The following CHRNG variants were observed in gnomAD, a reference collection of about 807,000 sequenced individuals.
CHRNG encodes cholinergic receptor nicotinic gamma subunit, also known as acetylcholine receptor subunit gamma.
Under a neutral mutation model 65.2 loss-of-function variants are expected in CHRNG, and 72 were observed. That is an observed-to-expected ratio of 1.10 (90% CI 0.91 to 1.34). CHRNG has a LOEUF of 1.34. CHRNG is among the 40% of genes most tolerant of loss of function. The pLI, the probability that CHRNG is intolerant of heterozygous loss-of-function variation, is 0.00. For synonymous variants in CHRNG, 284 were observed against 290.2 expected (o/e 0.98, Z 0.22); for missense variants, 637 against 680.1 (o/e 0.94, Z 0.70).
At position 232,546,293 on chromosome 2, in the gene CHRNG, G is replaced by T; in HGVS notation, c.*577G>T. The T allele has an allele frequency of 6.8e-6, 1 of 147,206 alleles. No individual in the cohort carries two copies. Among genetic ancestry groups the T allele is most frequent in the Admixed American group, 6.7e-5 (1 of 14,954 alleles). 9.1% of individuals were successfully genotyped at this position (147,206 alleles called of 1,614,324 possible). ...GCCACTGACCACAAGACGATTTCCT[G>T]AGTTTTGTAATCCTCTTTTTTTTTT... is the stretch of plus-strand genomic sequence containing the variant. On this transcript the variant is annotated 3_prime_UTR_variant, in exon 12 of 12. Coordinates refer to ENST00000651502, the MANE Select transcript of CHRNG (RefSeq NM_005199.5).
Position 232,544,428 on chromosome 2 carries a change from C to A in CHRNG, c.1097C>A (p.Ala366Asp), listed in dbSNP as rs1183456677. Residue 366 changes from alanine to aspartate, a missense_variant, in exon 10 of 12, where the codon GCT becomes GAT. Transcript: ENST00000651502. ...RMHVRPLAPAAVQDTQSRLQN... is the reference protein window; with the variant it reads ...RMHVRPLAPADVQDTQSRLQN... Reference sequence around the variant, plus strand: ...CACGTTCGCCCGCTGGCCCCGGCAGCTGTGCAGGACACCCAGTCCCGGCTA... The same window carrying A: ...CACGTTCGCCCGCTGGCCCCGGCAGATGTGCAGGACACCCAGTCCCGGCTA... 1.9e-6 allele frequency: 3 copies of A among 1,613,528 alleles called. No homozygotes were observed. In the Admixed American group the frequency reaches 5.0e-5, roughly 27 times the overall value.
Position 232,540,197 on chromosome 2 carries a change from G to A in CHRNG, c.195+66G>A, listed in dbSNP as rs774917840. On this transcript the variant is annotated intron_variant, in intron 2 of 11. Transcript: ENST00000651502. The surrounding 1 kb of genome is among the most constrained non-coding windows in gnomAD (Gnocchi z 4.2). ...TGGGACCTGCTGGGGATAGCATGGGGTGGCTCCAGCCACCAAGAGGTTGGA... is the reference window on the plus strand; with the variant it reads ...TGGGACCTGCTGGGGATAGCATGGGATGGCTCCAGCCACCAAGAGGTTGGA... 9.0e-5 allele frequency: 146 copies of A among 1,613,334 alleles called. No homozygotes were observed. The highest frequency in any genetic ancestry group is 1.2e-4 in the Non-Finnish European group (137 of 1,179,598).
intron 1 of CHRNG, 41 bp downstream of exon 1, chr2:232,539,843 T>C: frequency 6.2e-7 from 1 of 1,612,666 alleles, no homozygotes; most frequent in Non-Finnish European, 8.5e-7. Context: ...GTCCCAGAGC[T>C]GGGGTCCACA....
rs762248303 is a variant in CHRNG at position 232,539,967 on chromosome 2, C to T, written c.56-25C>T. ...CGCTCTTTCCACCTCCAAGCTCCTGCTAGGCTCACGCCTGTCTATTGCAGG... is the reference window on the plus strand; with the variant it reads ...CGCTCTTTCCACCTCCAAGCTCCTGTTAGGCTCACGCCTGTCTATTGCAGG... On this transcript the variant is annotated intron_variant, in intron 1 of 11. Transcript: ENST00000651502. The T allele has an allele frequency of 2.1e-5, 34 of 1,614,028 alleles. No homozygotes were observed. In the South Asian group the frequency reaches 3.6e-4, roughly 17 times the overall value.
At chr2:232,543,726 C>A in intron 9 of CHRNG, 27 bp downstream of exon 9, 1 of 1,375,180 alleles carries the variant, frequency 7.3e-7, no homozygotes. Flanking sequence ...CCCACTTCAA[C>A]ATCCCGCTGC....
Position 232,540,796 on chromosome 2 carries a change from A to G in CHRNG, c.350+85A>G. 8.0e-7 allele frequency: 1 copy of G among 1,254,670 alleles called. No individual in the cohort carries two copies. The highest frequency in any genetic ancestry group is 2.0e-5 in the Admixed American group (1 of 51,068). 77.7% of individuals were successfully genotyped at this position (1,254,670 alleles called of 1,614,324 possible). On this transcript the variant is annotated intron_variant, in intron 4 of 11. Transcript: ENST00000651502. The surrounding 1 kb of genome is among the most constrained non-coding windows in gnomAD (Gnocchi z 4.2). ...AGAACAAGGCACTCTGGGAAAAGAG[A>G]AAGATGAGCAGAGGGTGCAAATCGG...
rs891205803 is a variant in CHRNG at position 232,540,831 on chromosome 2, G to A, written c.350+120G>A. The A allele has an allele frequency of 1.1e-6, 1 of 940,254 alleles. No homozygotes were observed. The highest frequency in any genetic ancestry group is 1.6e-6 in the Non-Finnish European group (1 of 609,694). The allele number at this position is 940,254 out of a possible 1,614,324, so 58.2% of individuals were successfully genotyped here. ...AGAGGGTGCAAATCGGGCACCTGTG[G>A]GGCTAGGGAAGAACTGGATGGAGCA... On this transcript the variant is annotated intron_variant, in intron 4 of 11. Transcript: ENST00000651502. This position sits in a 1 kb window ranked among gnomAD's most constrained non-coding sequence, Gnocchi z 4.2.
At position 232,547,503 on chromosome 2, in the gene CHRNG, G is replaced by C. The variant is rs1487162873; in HGVS notation, c.*1787G>C. ...GACGACAGGATATGCTGGCAGGAGG[G>C]GACCTTGGAAATATGCCCTCCCTCC... On this transcript the variant is annotated 3_prime_UTR_variant, in exon 12 of 12. Coordinates refer to ENST00000651502, the MANE Select transcript of CHRNG (RefSeq NM_005199.5). 6.6e-6 allele frequency among the ~76,000 whole-genome samples: 1 copy of C among 152,206 alleles called. No homozygotes were observed. The highest frequency in any genetic ancestry group is 1.5e-5 in the Non-Finnish European group (1 of 68,034).
At position 232,544,910 on chromosome 2, in the gene CHRNG, G is replaced by A. The variant is rs201178274; in HGVS notation, c.1380+8G>A. On this transcript the variant is annotated splice_region_variant and intron_variant, in intron 11 of 11. Transcript: ENST00000651502. ...CAGAGTCACTTTGACAATGTAAGCTGAGTCAGGGTGGGGTGGAGGTGGAGT... is the reference window on the plus strand; with the variant it reads ...CAGAGTCACTTTGACAATGTAAGCTAAGTCAGGGTGGGGTGGAGGTGGAGT... 5.0e-6 allele frequency: 8 copies of A among 1,613,798 alleles called. No homozygotes were observed. Among genetic ancestry groups the A allele is most frequent in the Non-Finnish European group, 6.8e-6 (8 of 1,180,016 alleles).
chr2:232,540,162 C>A lies in CHRNG; in HGVS notation c.195+31C>A, dbSNP rs758480031. On this transcript the variant is annotated intron_variant, in intron 2 of 11. Transcript: ENST00000651502. The surrounding 1 kb of genome is among the most constrained non-coding windows in gnomAD (Gnocchi z 4.2). ...CCGCAGGACGGAGGAGGGGTCAGCG[C>A]ACCACGCCCTGGGACCTGCTGGGGA... 8.1e-6 allele frequency: 13 copies of A among 1,614,030 alleles called. No homozygotes were observed. The highest frequency in any genetic ancestry group is 1.6e-4 in the Middle Eastern group (1 of 6,084).
At position 232,541,149 on chromosome 2, in the gene CHRNG, G is replaced by A. The variant is rs899351989; in HGVS notation, c.351-225G>A. On this transcript the variant is annotated intron_variant, in intron 4 of 11. Coordinates refer to ENST00000651502, the MANE Select transcript of CHRNG (RefSeq NM_005199.5). This position sits in a 1 kb window ranked among gnomAD's most constrained non-coding sequence, Gnocchi z 4.0. Reference sequence around the variant, plus strand: ...AAAACAAGAGAGAGTAAGATAAGCAGAAATTAGGAGGTGGTGCCTGAGGAA... The same window carrying A: ...AAAACAAGAGAGAGTAAGATAAGCAAAAATTAGGAGGTGGTGCCTGAGGAA... 6.6e-6 allele frequency among the ~76,000 whole-genome samples: 1 copy of A among 151,068 alleles called. No individual in the cohort carries two copies. Among genetic ancestry groups the A allele is most frequent in the African/African-American group, 2.4e-5 (1 of 41,092 alleles).
At position 232,546,073 on chromosome 2, in the gene CHRNG, G is replaced by A. The variant is rs1692128180; in HGVS notation, c.*357G>A. Reference sequence around the variant, plus strand: ...TGTTTTGTATAATACCTTCGGACTTGGGACTGGCTCCCCTTTTACAAGTTC... The same window carrying A: ...TGTTTTGTATAATACCTTCGGACTTAGGACTGGCTCCCCTTTTACAAGTTC... On this transcript the variant is annotated 3_prime_UTR_variant, in exon 12 of 12. Transcript: ENST00000651502. 24 of 370,344 alleles carry A rather than the reference G, an allele frequency of 6.5e-5. No homozygotes were observed. Among genetic ancestry groups the A allele is most frequent in the South Asian group, 5.4e-4 (24 of 44,558 alleles). 22.9% of individuals were successfully genotyped at this position (370,344 alleles called of 1,614,324 possible).
Position 232,540,846 on chromosome 2 carries a change from T to C in CHRNG, c.350+135T>C. The C allele has an allele frequency of 1.2e-6, 1 of 825,706 alleles. No homozygotes were observed. Among genetic ancestry groups the C allele is most frequent in the Non-Finnish European group, 2.0e-6 (1 of 510,208 alleles). The allele number at this position is 825,706 out of a possible 1,614,324, so 51.1% of individuals were successfully genotyped here. A position where few individuals can be genotyped will look rare whatever the true frequency, so the allele number is the denominator to read the frequency against. Reference sequence around the variant, plus strand: ...GGCACCTGTGGGGCTAGGGAAGAACTGGATGGAGCAGGTGCCGAGGGCAGG... The same window carrying C: ...GGCACCTGTGGGGCTAGGGAAGAACCGGATGGAGCAGGTGCCGAGGGCAGG... On this transcript the variant is annotated intron_variant, in intron 4 of 11. Coordinates refer to ENST00000651502, the MANE Select transcript of CHRNG (RefSeq NM_005199.5). The surrounding 1 kb of genome is among the most constrained non-coding windows in gnomAD (Gnocchi z 4.2).
At chr2:232,543,205 T>G in intron 7 of CHRNG, 70 bp from the exon 8 acceptor site, 1 of 1,529,212 alleles carries the variant, frequency 6.5e-7, no homozygotes, top group Non-Finnish European at 9.1e-7. Flanking sequence ...GGGCTACTTC[T>G]GGGGTAAGGG....
rs13018423 is a variant in CHRNG, at chr2:232,543,573, C to T, written c.921-12C>T. The T allele has an allele frequency of 0.27, 423,510 of 1,566,898 alleles. 61,471 individuals are homozygous for T. The highest frequency in any genetic ancestry group is 0.44 in the East Asian group (19,721 of 44,570). On this transcript the variant is annotated splice_polypyrimidine_tract_variant and intron_variant, in intron 8 of 11. Transcript: ENST00000651502. ...TATGGGCTGCCAGCTCCTGCCCACCCCACCCTGACAGGTACCTGACCTTCC... is the reference window on the plus strand; with the variant it reads ...TATGGGCTGCCAGCTCCTGCCCACCTCACCCTGACAGGTACCTGACCTTCC...
chr2:232,543,480 AC>A lies in CHRNG; in HGVS notation c.921-97del, dbSNP rs34697564. The stretch of plus-strand genomic sequence containing the variant: ...TGCATTGCCCTCTTGCCCTCCATCC[AC>A]CCCCCCCATCCTCAATTCAGGAGGC... On this transcript the variant is annotated intron_variant, in intron 8 of 11. Transcript: ENST00000651502. The A allele has an allele frequency of 0.031, 34,280 of 1,110,266 alleles. 1,047 individuals are homozygous for A. Among genetic ancestry groups the A allele is most frequent in the East Asian group, 0.11 (4,459 of 39,602 alleles). The allele number at this position is 1,110,266 out of a possible 1,614,324, so 68.8% of individuals were successfully genotyped here. A position where few individuals can be genotyped will look rare whatever the true frequency, so the allele number is the denominator to read the frequency against.
Position 232,540,150 on chromosome 2 carries a change from G to A in CHRNG, c.195+19G>A, listed in dbSNP as rs147457323. The A allele has an allele frequency of 1.3e-3, 2,169 of 1,614,172 alleles. 18 individuals are homozygous for A. In the African/African-American group the frequency reaches 0.021, roughly 16 times the overall value. ...CTCCCTGGTAAGCCGCAGGACGGAG[G>A]AGGGGTCAGCGCACCACGCCCTGGG... On this transcript the variant is annotated intron_variant, in intron 2 of 11. Coordinates refer to ENST00000651502, the MANE Select transcript of CHRNG (RefSeq NM_005199.5). This position sits in a 1 kb window ranked among gnomAD's most constrained non-coding sequence, Gnocchi z 4.2.
chr2:232,543,245 C>T, intron 7 of CHRNG, 30 bp from the exon 8 acceptor site: 1 of 1,595,818 alleles, frequency 6.3e-7, no homozygotes, highest in South Asian at 1.1e-5. Context: ...AGGTAGGAAC[C>T]TGCTCTGAGA....
rs1692160824 is a variant in CHRNG, at chr2:232,547,987, T to C, written c.*2271T>C. On this transcript the variant is annotated 3_prime_UTR_variant, in exon 12 of 12. Transcript: ENST00000651502. ...CACATGAATGTTTTTGGTTTCCCAATGCATATAAAAGTTATGTTTACACTA... is the reference window on the plus strand; with the variant it reads ...CACATGAATGTTTTTGGTTTCCCAACGCATATAAAAGTTATGTTTACACTA... 2 of 445,438 alleles carry C rather than the reference T, an allele frequency of 4.5e-6. No individual in the cohort carries two copies. The highest frequency in any genetic ancestry group is 1.2e-4 in the South Asian group (2 of 17,360). 27.6% of individuals were successfully genotyped at this position (445,438 alleles called of 1,614,324 possible).
Sources: gnomAD v4.1 joint callset for allele counts (sites outside exome capture counted in the v4.1 genomes callset) on GRCh38, gnomAD v4.1.1 for gene constraint, Gnocchi (gnomAD v3.1) non-coding constraint, MANE v1.5 for transcripts, NCBI Gene and HGNC (gene_info 2026-07-23, HGNC 2026-07-21) for gene names.